The following SYT2 variants were observed in gnomAD, a reference collection of about 807,000 sequenced individuals.
SYT2 encodes synaptotagmin-2.
A neutral mutation model predicts 39.9 loss-of-function variants in SYT2; 15 were observed. The ratio of observed to expected loss-of-function variants is 0.38; its 90% CI spans 0.25 to 0.58. The LOEUF is 0.58. SYT2 is among the 20% of genes least tolerant of loss of function. The pLI is 0.70. For synonymous variants in SYT2, 181 were observed against 204.5 expected (o/e 0.89, Z 0.98); for missense variants, 389 against 530.3 (o/e 0.73, Z 2.62).
At chr1:202,675,434 G>A (rs1010985201) in intron 1 of SYT2, among the ~76,000 whole-genome samples, 1 of 151,032 alleles carries the variant, frequency 6.6e-6, no homozygotes, top group African/African-American at 2.4e-5. Context: ...GACTATTAAT[G>A]CAAAGCATAG....
chr1:202,639,060 C>A (rs1182250303), intron 1 of SYT2, among the ~76,000 whole-genome samples: 1 of 152,146 alleles, frequency 6.6e-6, no homozygotes, highest in South Asian at 2.1e-4. Flanking sequence ...ATTTTTTTCA[C>A]GTTTGGCTAT....
At position 202,599,547 on chromosome 1, in the gene SYT2, C is replaced by A. The variant is rs1401066975; in HGVS notation, c.920-196G>T. On this transcript the variant is annotated intron_variant, in intron 7 of 8. Coordinates refer to ENST00000367268, the MANE Select transcript of SYT2 (RefSeq NM_177402.5). This position sits in a 1 kb window ranked among gnomAD's most constrained non-coding sequence, Gnocchi z 4.4. ...CTTCACCTCCAGGACCAACTGTGAC[C>A]AGTTGGTTGTGGCTTCCTGAAGCAT... Among the ~76,000 whole-genome samples, 2 of 152,120 alleles carry A rather than the reference C, an allele frequency of 1.3e-5. No homozygotes were observed. Among genetic ancestry groups the A allele is most frequent in the Non-Finnish European group, 2.9e-5 (2 of 68,024 alleles).
At chr1:202,686,052 T>G (rs1290874374) in intron 1 of SYT2, among the ~76,000 whole-genome samples, 2 of 152,100 alleles carry the variant, frequency 1.3e-5, no homozygotes, top group Non-Finnish European at 2.9e-5. Flanking sequence ...GGGCCCCTAA[T>G]ATGGTTTGGA....
intron 1 of SYT2, among the ~76,000 whole-genome samples, chr1:202,618,420 T>TGTGTGTGTGC (rs1376094455): frequency 2.6e-5 from 4 of 151,842 alleles, no homozygotes; most frequent in African/African-American, 9.7e-5. Flanking sequence ...TGTGTGTGTG[T>TGTGTGTGTGC]GTGTGTGTGT....
At chr1:202,676,573 T>TGG (rs1476486494) in intron 1 of SYT2, among the ~76,000 whole-genome samples, 1 of 152,240 alleles carries the variant, frequency 6.6e-6, no homozygotes, top group Non-Finnish European at 1.5e-5. Flanking sequence ...CCGGCTCAGC[T>TGG]TTTTGGATAT....
chr1:202,606,188 A>T, intron 1 of SYT2, among the ~76,000 whole-genome samples: 1 of 152,254 alleles, frequency 6.6e-6, no homozygotes, highest in Non-Finnish European at 1.5e-5. Flanking sequence ...AAATAACCTA[A>T]TGGTTTTTAT....
intron 1 of SYT2, among the ~76,000 whole-genome samples, chr1:202,654,953 G>T (rs369500447): frequency 3.9e-4 from 60 of 152,300 alleles, no homozygotes; most frequent in African/African-American, 1.4e-3. Context: ...ACTGACTTTG[G>T]TATTGGGTTG....
intron 1 of SYT2, among the ~76,000 whole-genome samples, chr1:202,703,621 T>A (rs986157905): frequency 2.6e-5 from 4 of 152,084 alleles, no homozygotes; most frequent in Admixed American, 2.6e-4. Flanking sequence ...CTACCTGAGC[T>A]AAAGAAGCAG....
intron 1 of SYT2, among the ~76,000 whole-genome samples, chr1:202,679,562 A>G (rs2149112275): frequency 6.6e-6 from 1 of 152,228 alleles, no homozygotes; most frequent in East Asian, 1.9e-4. Flanking sequence ...CTTCCTAATT[A>G]GCTCTCAAAT....
intron 1 of SYT2, among the ~76,000 whole-genome samples, chr1:202,678,657 C>G (rs1653446324): frequency 1.3e-5 from 2 of 152,120 alleles, no homozygotes; most frequent in Admixed American, 1.3e-4. Flanking sequence ...CAAGGTCAGT[C>G]CCTTCACTTA....
intron 1 of SYT2, among the ~76,000 whole-genome samples, chr1:202,706,762 T>C (rs1165925330): frequency 1.3e-5 from 2 of 152,164 alleles, no homozygotes; most frequent in Non-Finnish European, 2.9e-5. Flanking sequence ...TCTGACTGAG[T>C]GGAAGATGAA....
chr1:202,615,301 G>C (rs556266213), intron 1 of SYT2, among the ~76,000 whole-genome samples: 1 of 152,280 alleles, frequency 6.6e-6, no homozygotes, highest in South Asian at 2.1e-4. Context: ...GGCATGGGCA[G>C]TGGGCCCAGA....
At chr1:202,672,444 C>A (rs1011508991) in intron 1 of SYT2, among the ~76,000 whole-genome samples, 1 of 152,112 alleles carries the variant, frequency 6.6e-6, no homozygotes, top group African/African-American at 2.4e-5. Flanking sequence ...TGATCTTAGA[C>A]TTCCAGTCTC....
At chr1:202,613,747 G>A (rs911835008) in intron 1 of SYT2, among the ~76,000 whole-genome samples, 4 of 152,118 alleles carry the variant, frequency 2.6e-5, no homozygotes, top group East Asian at 1.9e-4. Flanking sequence ...GCCGGTCCAC[G>A]GTCCCTGCAG....
At chr1:202,650,877 C>T (rs1250023515) in intron 1 of SYT2, among the ~76,000 whole-genome samples, 4 of 152,044 alleles carry the variant, frequency 2.6e-5, no homozygotes, top group East Asian at 1.9e-4. Context: ...GATCTGATCC[C>T]AAGGAAAGGC....
chr1:202,604,231 T>A (rs1462720890), intron 3 of SYT2: 12 of 528,394 alleles, frequency 2.3e-5, no homozygotes, highest in Non-Finnish European at 4.0e-5. Flanking sequence ...TCTCCTTCAC[T>A]GTCTTTCCAG....
chr1:202,640,054 C>T (rs1691855186), intron 1 of SYT2, among the ~76,000 whole-genome samples: 1 of 152,182 alleles, frequency 6.6e-6, no homozygotes, highest in South Asian at 2.1e-4. Context: ...TGCCTGAATT[C>T]ACACAGATAT....
chr1:202,652,660 G>T (rs149985239), intron 1 of SYT2, among the ~76,000 whole-genome samples: 1 of 152,286 alleles, frequency 6.6e-6, no homozygotes, highest in Non-Finnish European at 1.5e-5. Context: ...ATCTCCCAGA[G>T]ACTCCCTCAG....
intron 1 of SYT2, among the ~76,000 whole-genome samples, chr1:202,655,844 G>A (rs1692268648): frequency 6.6e-6 from 1 of 152,108 alleles, no homozygotes; most frequent in Non-Finnish European, 1.5e-5. Flanking sequence ...CACTGGTCCA[G>A]GGCTGCACTG....
Sources: gnomAD v4.1 joint callset for allele counts (sites outside exome capture counted in the v4.1 genomes callset) on GRCh38, gnomAD v4.1.1 for gene constraint, Gnocchi (gnomAD v3.1) non-coding constraint, MANE v1.5 for transcripts, NCBI Gene and HGNC (gene_info 2026-07-23, HGNC 2026-07-21) for gene names.